The following DUOX1 variants were observed in gnomAD, a reference collection of about 807,000 sequenced individuals.
DUOX1 encodes NADPH thyroid oxidase 1.
In DUOX1, 134 loss-of-function variants were observed where a neutral mutation model predicts 181.8. The observed-to-expected ratio is 0.74, with a 90% CI of 0.64 to 0.85. DUOX1 has a LOEUF of 0.85. DUOX1 is among the 40% of genes least tolerant of loss of function. The probability of loss-of-function intolerance (pLI) is 0.00; values close to 1 mark genes in which losing one functional copy is unlikely to be tolerated. For missense variants in DUOX1, 1,814 were observed against 2,064.4 expected (o/e 0.88, Z 2.35); for synonymous variants, 798 against 832.5 (o/e 0.96, Z 0.71).
intron 29 of DUOX1, 84 bp downstream of exon 29, chr15:45,161,074 G>A: frequency 6.3e-7 from 1 of 1,578,700 alleles, no homozygotes; most frequent in Non-Finnish European, 8.6e-7. Context: ...CAGTCTCCTG[G>A]TCGGGCCCAG....
intron 24 of DUOX1, 112 bp from the exon 25 acceptor site, chr15:45,152,174 A>G: frequency 6.8e-7 from 1 of 1,470,970 alleles, no homozygotes; most frequent in Non-Finnish European, 9.2e-7. Context: ...CTGAGTGAAG[A>G]CTGTGCGGGG....
At chr15:45,133,180 C>T (rs1024899815) in intron 2 of DUOX1, among the ~76,000 whole-genome samples, 5 of 152,202 alleles carry the variant, frequency 3.3e-5, no homozygotes, top group Non-Finnish European at 5.9e-5. Flanking sequence ...CTGAGTGCTC[C>T]CTCCTGGACC....
chr15:45,133,719 T>G, intron 2 of DUOX1, 145 bp from the exon 3 acceptor site: 1 of 700,396 alleles, frequency 1.4e-6, no homozygotes, highest in Non-Finnish European at 2.5e-6. Flanking sequence ...GGTTTTTCCC[T>G]CTGCACCCTA....
Position 45,134,192 on chromosome 15 carries a change from T to C in DUOX1, c.190T>C (p.Tyr64His). The C allele has an allele frequency of 6.4e-7, 1 of 1,559,304 alleles. No homozygotes were observed. The highest frequency in any genetic ancestry group is 1.4e-5 in the African/African-American group (1 of 72,400). The change falls in exon 4 of 34, where the codon TAC (tyrosine) becomes CAC (histidine). Residue 64 changes from tyrosine (Y) to histidine (H), a missense_variant. Physicochemically the swap from Tyr to His is moderately conservative, Grantham distance 83 (BLOSUM62 2). This residue lies in a region of DUOX1 where 320 missense variants were observed against 313.1 expected (regional missense o/e 1.02). Transcript: ENST00000389037. ...LVPASYADGV[Y>H]QPLGEPHLPN... is the part of the protein sequence containing the mutation. ...CCCAGCCAGCTATGCAGATGGCGTGTACCAGCCCTTGGGAGAACCCCACCT... is the reference window on the plus strand; with the variant it reads ...CCCAGCCAGCTATGCAGATGGCGTGCACCAGCCCTTGGGAGAACCCCACCT...
rs766240806 is a variant in DUOX1, at chr15:45,133,887, G to C, written c.82G>C (p.Glu28Gln). The C allele has an allele frequency of 3.0e-5, 49 of 1,613,792 alleles. No individual in the cohort carries two copies. Among genetic ancestry groups the C allele is most frequent in the Non-Finnish European group, 4.0e-5 (47 of 1,179,948 alleles). Residue 28 changes from glutamate to glutamine, a missense_variant, in exon 3 of 34, where the codon GAG (glutamate) becomes CAG (glutamine). Coordinates refer to ENST00000389037, the MANE Select transcript of DUOX1 (RefSeq NM_175940.3). ...PLGAQNPISW[E>Q]VQRFDGWYNN... The stretch of plus-strand genomic sequence containing the variant: ...AGGAGCTCAGAACCCCATTTCGTGG[G>C]AGGTGCAGCGATTTGATGGGTGGTA...
At chr15:45,131,767 T>G in intron 1 of DUOX1, 151 bp from the exon 2 acceptor site, 1 of 608,366 alleles carries the variant, frequency 1.6e-6, no homozygotes, top group Non-Finnish European at 2.9e-6. Context: ...CCGAATCAAT[T>G]AAAGAATTTT....
intron 28 of DUOX1, 44 bp downstream of exon 28, chr15:45,155,973 G>T (rs1376837038): frequency 6.2e-7 from 1 of 1,609,676 alleles, no homozygotes; most frequent in Non-Finnish European, 8.5e-7. Context: ...GGTATGGGCA[G>T]GACATTTCCA....
intron 28 of DUOX1, among the ~76,000 whole-genome samples, chr15:45,156,437 A>AT (rs1567019790): frequency 6.6e-6 from 1 of 151,948 alleles, no homozygotes; most frequent in Admixed American, 6.6e-5. Context: ...ATGAATTTTT[A>AT]TTTTTTATTT....
chr15:45,158,198 G>A (rs183693691), intron 28 of DUOX1, among the ~76,000 whole-genome samples: 10 of 152,280 alleles, frequency 6.6e-5, no homozygotes, highest in African/African-American at 1.9e-4. Context: ...GCAGCATGAC[G>A]TCACCCTGCC....
chr15:45,161,264 C>G lies in DUOX1; in HGVS notation c.3856+274C>G, dbSNP rs563563821. Among the ~76,000 whole-genome samples, 17 of 150,428 alleles carry G rather than the reference C, an allele frequency of 1.1e-4. No homozygotes were observed. The East Asian group carries it at 3.3e-3, about 30-fold the overall frequency. The stretch of plus-strand genomic sequence containing the variant: ...CTGTCTCTACCACAAAAAAAAAATA[C>G]AAAAATTAGCTGGGTGTGGTGGCAT... On this transcript the variant is annotated intron_variant, in intron 29 of 33. Transcript: ENST00000389037.
At chr15:45,136,270 G>A in intron 7 of DUOX1, 80 bp from the exon 8 acceptor site, 1 of 1,603,212 alleles carries the variant, frequency 6.2e-7, no homozygotes. Flanking sequence ...TCTCCACACG[G>A]AAGCCGTCCT....
At position 45,152,439 on chromosome 15, in the gene DUOX1, T is replaced by G; in HGVS notation, c.3347T>G (p.Phe1116Cys). 6.2e-7 allele frequency: 1 copy of G among 1,614,140 alleles called. No homozygotes were observed. Among genetic ancestry groups the G allele is most frequent in the African/African-American group, 1.3e-5 (1 of 75,032 alleles). The change falls in exon 25 of 34, where the codon TTC becomes TGC. Residue 1116 changes from phenylalanine to cysteine, a missense_variant. Phe to Cys is a radical substitution (Grantham distance 205). Around this residue, in one of 5 missense-constraint regions of DUOX1, gnomAD observed 1,064 missense variants for 1,152.9 expected, o/e 0.92. Transcript: ENST00000389037. ...CTCATCACCTTCCTGCGAGAAACCT[T>G]CCTCAACCGCTACGTGCCCTTCGAC... Reference protein sequence around the residue: ...RNLITFLRETFLNRYVPFDAA... With the variant: ...RNLITFLRETCLNRYVPFDAA...
rs777968634 is a variant in DUOX1 at position 45,162,279 on chromosome 15, G to T, written c.4150G>T (p.Val1384Leu). 6.2e-7 allele frequency: 1 copy of T among 1,613,796 alleles called. No homozygotes were observed. Among genetic ancestry groups the T allele is most frequent in the Non-Finnish European group, 8.5e-7 (1 of 1,179,846 alleles). The change falls in exon 31 of 34, where the codon GTG becomes TTG. Residue 1384 changes from valine (V) to leucine (L), a missense_variant. Around this residue, in one of 5 missense-constraint regions of DUOX1, gnomAD observed 279 missense variants for 381.9 expected, o/e 0.73. Transcript: ENST00000389037. The part of the protein sequence containing the change: ...HQEWHKFEVS[V>L]LVGGGIGVTP... ...GGAGTGGCATAAGTTTGAGGTGTCA[G>T]TGTTAGTGGGAGGGGGCATTGGGGT... is the stretch of plus-strand genomic sequence containing the variant.
chr15:45,161,527 G>C (rs565072799), intron 29 of DUOX1, among the ~76,000 whole-genome samples: 2 of 151,484 alleles, frequency 1.3e-5, no homozygotes, highest in Non-Finnish European at 2.9e-5. Flanking sequence ...TCTCATCGCA[G>C]AGAGCAGAGA....
In DUOX1 at chr15:45,135,112, G is replaced by C. The variant is rs1008982540; in HGVS notation, c.316G>C (p.Val106Leu). 3.1e-6 allele frequency: 5 copies of C among 1,613,610 alleles called. No homozygotes were observed. Among genetic ancestry groups the C allele is most frequent in the East Asian group, 2.2e-5 (1 of 44,822 alleles). ...TCCTGCACTGCCCGCAGGCTATCAC[G>C]TGCTTTCAGACCTGGTGAGCGTGGA... Reference protein sequence around the residue: ...TVLGVFFGYHVLSDLVSVETP... With the variant: ...TVLGVFFGYHLLSDLVSVETP... Residue 106 changes from valine to leucine, a missense_variant, in exon 5 of 34, where the codon GTG (valine) becomes CTG (leucine). By Grantham distance (32) the Val-to-Leu change is conservative. Transcript: ENST00000389037.
At chr15:45,153,343 C>T (rs370028051) in intron 25 of DUOX1, 37 bp from the exon 26 acceptor site, 7 of 1,578,442 alleles carry the variant, frequency 4.4e-6, no homozygotes, top group Non-Finnish European at 6.1e-6. Flanking sequence ...CCACCCTGGG[C>T]TGCCCCAAGC....
chr15:45,164,607 T>C (rs560299631), intron 33 of DUOX1, among the ~76,000 whole-genome samples, 172 bp from the exon 34 acceptor site: 1 of 152,242 alleles, frequency 6.6e-6, no homozygotes, highest in Admixed American at 6.5e-5. Flanking sequence ...TAGCTGGGAC[T>C]ACAGGAGTGC....
At chr15:45,151,810 GTGGGGCCCCAC>G (rs1896810998) in intron 23 of DUOX1, 53 bp from the exon 24 acceptor site, 22 of 1,540,516 alleles carry the variant, frequency 1.4e-5, no homozygotes, top group Admixed American at 2.0e-5. Context: ...CCTCCGTGAA[GTGGGGCCCCAC>G]TAGCGTTGGG....
intron 14 of DUOX1, 24 bp from the exon 15 acceptor site, chr15:45,141,951 C>A: frequency 6.3e-7 from 1 of 1,598,182 alleles, no homozygotes; most frequent in South Asian, 1.1e-5. Context: ...GCACCCAGGA[C>A]GCTGGCTTCC....
Sources: allele counts gnomAD v4.1 joint callset (sites outside exome capture counted in the v4.1 genomes callset), GRCh38; gene constraint gnomAD v4.1.1; regional missense constraint gnomAD v4.1.1; transcripts MANE v1.5; gene names NCBI Gene and HGNC (gene_info 2026-07-23, HGNC 2026-07-21).